The following PLPPR5 variants were observed in gnomAD, a reference collection of about 807,000 sequenced individuals.
The protein encoded by PLPPR5 is phospholipid phosphatase-related protein type 5.
A neutral mutation model predicts 33.9 loss-of-function variants in PLPPR5; 16 were observed. That is an observed-to-expected ratio of 0.47 (90% CI 0.32 to 0.72). The LOEUF is 0.72. Ranked by LOEUF, PLPPR5 falls within the 30% of genes least tolerant of loss-of-function variation. The pLI is 0.03. For missense variants in PLPPR5, 301 were observed against 406.7 expected (o/e 0.74, Z 2.23); for synonymous variants, 163 against 150.3 (o/e 1.08, Z -0.62).
chr1:98,969,391 G>A (rs1018652088), intron 1 of PLPPR5, among the ~76,000 whole-genome samples: 2 of 151,978 alleles, frequency 1.3e-5, no homozygotes, highest in Non-Finnish European at 2.9e-5. Context: ...AAATAAAAGA[G>A]AGCAAATATT....
chr1:98,971,876 A>C (rs1009861410), intron 1 of PLPPR5, among the ~76,000 whole-genome samples: 1 of 152,052 alleles, frequency 6.6e-6, no homozygotes. Flanking sequence ...TCATGTTAAG[A>C]GTTCTCATGT....
intron 1 of PLPPR5, among the ~76,000 whole-genome samples, chr1:98,984,764 G>C (rs1652193054): frequency 6.6e-6 from 1 of 151,894 alleles, no homozygotes; most frequent in Non-Finnish European, 1.5e-5. Flanking sequence ...ATAAAGGTTA[G>C]GACCTCAGGT....
intron 1 of PLPPR5, among the ~76,000 whole-genome samples, chr1:98,964,397 A>G (rs1405212002): frequency 6.6e-6 from 1 of 152,112 alleles, no homozygotes; most frequent in Non-Finnish European, 1.5e-5. Flanking sequence ...TCCCAGTGGG[A>G]AGGATCAACG....
chr1:98,941,791 G>C (rs1650375636), intron 3 of PLPPR5, among the ~76,000 whole-genome samples: 1 of 151,260 alleles, frequency 6.6e-6, no homozygotes. Context: ...TTTGTTCTTT[G>C]GAGACTTTTG....
intron 3 of PLPPR5, among the ~76,000 whole-genome samples, chr1:98,937,004 T>A (rs998392982): frequency 1.3e-5 from 2 of 152,136 alleles, no homozygotes; most frequent in African/African-American, 2.4e-5. Flanking sequence ...CTCAGAGATG[T>A]TATAGGCTAC....
At chr1:98,902,258 A>G (rs537663763) in intron 5 of PLPPR5, among the ~76,000 whole-genome samples, 2 of 152,162 alleles carry the variant, frequency 1.3e-5, no homozygotes, top group South Asian at 2.1e-4. Flanking sequence ...ATCTGAAATC[A>G]TATCTATGAT....
chr1:98,987,259 G>A (rs1652293396), intron 1 of PLPPR5, among the ~76,000 whole-genome samples: 1 of 151,754 alleles, frequency 6.6e-6, no homozygotes, highest in Non-Finnish European at 1.5e-5. Flanking sequence ...TATAAGAGAG[G>A]TATTAAAATA....
At chr1:98,902,798 T>G (rs895370077) in intron 5 of PLPPR5, among the ~76,000 whole-genome samples, 2 of 152,112 alleles carry the variant, frequency 1.3e-5, no homozygotes, top group Non-Finnish European at 2.9e-5. Context: ...AATGACTGAA[T>G]GAATCATATA....
At chr1:99,000,775 T>C (rs1000196208) in intron 1 of PLPPR5, among the ~76,000 whole-genome samples, 4 of 152,206 alleles carry the variant, frequency 2.6e-5, no homozygotes, top group Admixed American at 1.3e-4. Context: ...GTATAACTTC[T>C]GTCATAATTA....
chr1:98,906,802 G>T (rs1181291711), intron 5 of PLPPR5, among the ~76,000 whole-genome samples: 1 of 152,118 alleles, frequency 6.6e-6, no homozygotes, highest in Non-Finnish European at 1.5e-5. Context: ...CCATCTTAAA[G>T]ATTCAGGTAT....
At chr1:98,898,670 T>C (rs540629911) in intron 5 of PLPPR5, among the ~76,000 whole-genome samples, 1 of 152,250 alleles carries the variant, frequency 6.6e-6, no homozygotes, top group African/African-American at 2.4e-5. Flanking sequence ...GTTGAGCAAT[T>C]TCTTGTTGTT....
intron 1 of PLPPR5, among the ~76,000 whole-genome samples, chr1:98,969,999 A>G (rs1385865346): frequency 6.6e-6 from 1 of 152,070 alleles, no homozygotes; most frequent in Non-Finnish European, 1.5e-5. Flanking sequence ...TTCATCATAC[A>G]GATCATTCCC....
chr1:98,969,110 T>C (rs1009464465), intron 1 of PLPPR5, among the ~76,000 whole-genome samples: 2 of 152,098 alleles, frequency 1.3e-5, no homozygotes, highest in Non-Finnish European at 2.9e-5. Flanking sequence ...TATTTGAGCT[T>C]AGAAATATAT....
At chr1:98,910,310 G>A (rs1379202578) in intron 5 of PLPPR5, among the ~76,000 whole-genome samples, 1 of 152,070 alleles carries the variant, frequency 6.6e-6, no homozygotes, top group Non-Finnish European at 1.5e-5. Context: ...TCAAAGTACT[G>A]GGAAGAATTT....
chr1:98,978,675 G>T (rs1051027610), intron 1 of PLPPR5, among the ~76,000 whole-genome samples: 6 of 151,856 alleles, frequency 4.0e-5, no homozygotes, highest in African/African-American at 1.5e-4. Context: ...TCTGCAAAAG[G>T]GTAATGATAA....
chr1:98,943,265 C>T (rs1404942017), intron 3 of PLPPR5, among the ~76,000 whole-genome samples: 1 of 152,078 alleles, frequency 6.6e-6, no homozygotes, highest in African/African-American at 2.4e-5. Flanking sequence ...GGCATCAGGT[C>T]CCCAGAGGGA....
intron 5 of PLPPR5, among the ~76,000 whole-genome samples, chr1:98,912,689 A>G (rs547372292): frequency 1.3e-5 from 2 of 152,284 alleles, no homozygotes; most frequent in East Asian, 3.9e-4. Flanking sequence ...TTCAATTACT[A>G]AAAGGAAGAA....
chr1:99,003,444 G>C (rs1451380090), intron 1 of PLPPR5, among the ~76,000 whole-genome samples: 1 of 151,892 alleles, frequency 6.6e-6, no homozygotes, highest in African/African-American at 2.4e-5. Flanking sequence ...GGGAGAGAGA[G>C]AGCGCGCATC....
chr1:98,938,288 T>A (rs1424157120), intron 3 of PLPPR5, among the ~76,000 whole-genome samples: 1 of 151,808 alleles, frequency 6.6e-6, no homozygotes, highest in East Asian at 1.9e-4. Context: ...AATAATAAAC[T>A]AGTGTGAATG....
Sources: gnomAD v4.1 joint callset for allele counts (sites outside exome capture counted in the v4.1 genomes callset) on GRCh38, gnomAD v4.1.1 for gene constraint, MANE v1.5 for transcripts, NCBI Gene and HGNC (gene_info 2026-07-23, HGNC 2026-07-21) for gene names.